The following C2CD3 variants were observed in gnomAD, a reference collection of about 807,000 sequenced individuals.
C2CD3 encodes C2 domain containing 3 centriole elongation regulator.
A neutral mutation model predicts 234.0 loss-of-function variants in C2CD3; 148 were observed. The observed-to-expected ratio is 0.63, with a 90% CI of 0.55 to 0.72. The LOEUF (loss-of-function observed/expected upper bound fraction) is 0.72, where lower values mean the gene tolerates loss of function less well. Ranked by LOEUF, C2CD3 falls within the 30% of genes least tolerant of loss-of-function variation. The pLI, the probability that C2CD3 is intolerant of heterozygous loss-of-function variation, is 0.00. For missense variants in C2CD3, 2,577 were observed against 2,811.5 expected (o/e 0.92, Z 1.89); for synonymous variants, 1,000 against 1,035.4 (o/e 0.97, Z 0.66).
intron 2 of C2CD3, chr11:74,164,202 T>C: frequency 2.1e-6 from 2 of 963,700 alleles, no homozygotes; most frequent in Non-Finnish European, 2.5e-6. Context: ...CCAGCACTAT[T>C]CCTACTCCGA....
At chr11:74,067,142 T>C (rs1487131327) in intron 24 of C2CD3, among the ~76,000 whole-genome samples, 1 of 152,138 alleles carries the variant, frequency 6.6e-6, no homozygotes, top group African/African-American at 2.4e-5. Context: ...CCAGACCAGA[T>C]GACATTACTT....
At position 74,102,510 on chromosome 11, in the gene C2CD3, C is replaced by T. The variant is rs144846768; in HGVS notation, c.2580+621G>A. Among the ~76,000 whole-genome samples the T allele has an allele frequency of 2.5e-3, 382 of 152,168 alleles. 1 individual carries two copies. The highest frequency in any genetic ancestry group is 8.9e-3 in the African/African-American group (370 of 41,526). On this transcript the variant is annotated intron_variant, in intron 14 of 32. Coordinates refer to ENST00000334126, the MANE Select transcript of C2CD3 (RefSeq NM_001286577.2). ...GAAGCTGTGTTGATAGATGTGATGA[C>T]CATGGGGAGAAGTGGGTTGATTTGG...
At chr11:74,101,442 A>G (rs1956312543) in intron 14 of C2CD3, among the ~76,000 whole-genome samples, 1 of 152,322 alleles carries the variant, frequency 6.6e-6, no homozygotes, top group African/African-American at 2.4e-5. Context: ...TGATGAGAGG[A>G]AGACACCAGA....
intron 24 of C2CD3, among the ~76,000 whole-genome samples, chr11:74,061,529 C>G (rs983685143): frequency 2.0e-5 from 3 of 152,182 alleles, no homozygotes; most frequent in Non-Finnish European, 2.9e-5. Context: ...TCAAACTGAG[C>G]TTCATAAGTG....
At chr11:74,049,292 T>A in intron 27 of C2CD3, 45 bp downstream of exon 27, 1 of 1,492,042 alleles carries the variant, frequency 6.7e-7, no homozygotes, top group African/African-American at 1.4e-5. Context: ...TTCTTATAGG[T>A]CAGTACAATT....
chr11:74,169,124 T>C (rs533300239), intron 1 of C2CD3, among the ~76,000 whole-genome samples: 1 of 152,334 alleles, frequency 6.6e-6, no homozygotes, highest in Admixed American at 6.5e-5. Flanking sequence ...ATTTAGACTA[T>C]ATCATACAAC....
intron 30 of C2CD3, 59 bp from the exon 31 acceptor site, chr11:74,034,337 C>T (rs909888096): frequency 6.7e-7 from 1 of 1,484,240 alleles, no homozygotes; most frequent in Non-Finnish European, 8.9e-7. Flanking sequence ...CCTCAAATTT[C>T]CCACACTAGC....
chr11:74,104,459 A>C (rs1282758222), intron 13 of C2CD3, among the ~76,000 whole-genome samples: 1 of 152,108 alleles, frequency 6.6e-6, no homozygotes, highest in African/African-American at 2.4e-5. Flanking sequence ...AGGGGGAAAG[A>C]GGCATGATGT....
At chr11:74,060,960 C>T (rs560655688) in intron 24 of C2CD3, among the ~76,000 whole-genome samples, 9 of 152,158 alleles carry the variant, frequency 5.9e-5, no homozygotes, top group East Asian at 5.8e-4. Flanking sequence ...AACCATGGCA[C>T]GAGAACTATG....
At chr11:74,168,289 A>G in intron 2 of C2CD3, 55 bp downstream of exon 2, 3 of 1,438,896 alleles carry the variant, frequency 2.1e-6, no homozygotes, top group South Asian at 2.4e-5. Flanking sequence ...TGCTGACAAT[A>G]TAACCACATG....
At chr11:74,031,702 C>T (rs895705057) in intron 31 of C2CD3, among the ~76,000 whole-genome samples, 8 of 152,082 alleles carry the variant, frequency 5.3e-5, no homozygotes, top group African/African-American at 1.2e-4. Context: ...GGGCCTGGCA[C>T]GATTTATTTT....
At chr11:74,130,048 C>CAGAGGGAGACCGTGGAAAG (rs1565328225) in intron 7 of C2CD3, 3 of 143,572 alleles carry the variant, frequency 2.1e-5, no homozygotes, top group African/African-American at 5.3e-5. Flanking sequence ...AGCTCGGCAT[C>CAGAGGGAGACCGTGGAAAG]AGAGGGAGAC....
Position 74,109,058 on chromosome 11 carries a change from A to G in C2CD3, c.1938T>C (p.Tyr646=), listed in dbSNP as rs142693813. 16 of 1,602,504 alleles carry G rather than the reference A, an allele frequency of 1.0e-5. No individual in the cohort carries two copies. The African/African-American group carries it at 2.1e-4, about 21-fold the overall frequency. Reference sequence around the variant, plus strand: ...CCTTTTTCTGTGGAGTTTTCTTTACATAAATTTGGAAAGTGAGGTTGGAAT... The same window carrying G: ...CCTTTTTCTGTGGAGTTTTCTTTACGTAAATTTGGAAAGTGAGGTTGGAAT... ...WWNSNLTFQI[Y]VKKTPQKKPE... The change falls in exon 12 of 33, where the codon TAT becomes TAC. Residue 646 remains tyrosine (Y), a synonymous_variant. Transcript: ENST00000334126.
intron 3 of C2CD3, among the ~76,000 whole-genome samples, chr11:74,160,338 C>T (rs1351724637): frequency 6.6e-6 from 1 of 152,096 alleles, no homozygotes; most frequent in Non-Finnish European, 1.5e-5. Context: ...TGGAATCAAC[C>T]TAAGCATTCA....
Position 74,154,459 on chromosome 11 carries a change from A to AAATG in C2CD3, c.483+6936_483+6939dup, listed in dbSNP as rs562390446. ...GAGAGAAGCCAAAGGCTGGGAATAT[A>AAATG]AATGAATGAATGAATGAATGAATGA... On this transcript the variant is annotated intron_variant, in intron 3 of 32. Transcript: ENST00000334126. Among the ~76,000 whole-genome samples the AAATG allele has an allele frequency of 4.8e-3, 732 of 152,302 alleles. 4 individuals carry two copies. Among genetic ancestry groups the AAATG allele is most frequent in the African/African-American group, 0.013 (536 of 41,572 alleles).
At chr11:74,153,210 A>AAAAACAAAACAAAACAAAACAAAAC (rs58806804) in intron 3 of C2CD3, among the ~76,000 whole-genome samples, 5 of 148,026 alleles carry the variant, frequency 3.4e-5, no homozygotes, top group Non-Finnish European at 7.4e-5. Flanking sequence ...TCTGTCTCTT[A>AAAAACAAAACAAAACAAAACAAAAC]AAAACAAAAC....
intron 30 of C2CD3, among the ~76,000 whole-genome samples, 153 bp downstream of exon 30, chr11:74,037,325 C>A (rs368103899): frequency 2.7e-5 from 4 of 148,094 alleles, no homozygotes; most frequent in Non-Finnish European, 4.5e-5. Flanking sequence ...CCTTTTCAAA[C>A]GCAAGATGGT....
intron 24 of C2CD3, among the ~76,000 whole-genome samples, chr11:74,071,707 T>C (rs1382166703): frequency 6.6e-6 from 1 of 152,212 alleles, no homozygotes; most frequent in Non-Finnish European, 1.5e-5. Flanking sequence ...TTATTCAGTA[T>C]GCCAAATCTG....
intron 16 of C2CD3, among the ~76,000 whole-genome samples, chr11:74,095,906 A>C (rs1375621525): frequency 6.6e-6 from 1 of 152,246 alleles, no homozygotes; most frequent in Non-Finnish European, 1.5e-5. Flanking sequence ...AGCCTACAGC[A>C]GACAGTGGCA....
Sources: allele counts gnomAD v4.1 joint callset (sites outside exome capture counted in the v4.1 genomes callset), GRCh38; gene constraint gnomAD v4.1.1; transcripts MANE v1.5; gene names NCBI Gene and HGNC (gene_info 2026-07-23, HGNC 2026-07-21).